Variants in UCHL3 observed in about 807,000 individuals in gnomAD.
UCHL3 encodes ubiquitin carboxyl-terminal hydrolase isozyme L3.
Under a neutral mutation model 35.8 loss-of-function variants are expected in UCHL3, and 22 were observed. That is an observed-to-expected ratio of 0.61 (90% CI 0.44 to 0.88). UCHL3 has a LOEUF of 0.88. UCHL3 is among the 40% of genes least tolerant of loss of function. The pLI is 0.00. For synonymous variants in UCHL3, 90 were observed against 92.8 expected (o/e 0.97, Z 0.17); for missense variants, 229 against 276.9 (o/e 0.83, Z 1.23).
intron 6 of UCHL3, among the ~76,000 whole-genome samples, chr13:75,581,268 C>T (rs575631439): frequency 6.6e-6 from 1 of 152,066 alleles, no homozygotes; most frequent in East Asian, 1.9e-4. Flanking sequence ...TAAACCAAAA[C>T]CCACTTACTT....
chr13:75,575,694 A>G (rs2031998869), intron 6 of UCHL3, among the ~76,000 whole-genome samples: 1 of 152,164 alleles, frequency 6.6e-6, no homozygotes, highest in South Asian at 2.1e-4. Context: ...TGGCTGCAGA[A>G]TCTAGTCCTA....
chr13:75,592,665 A>G (rs1409542438), intron 6 of UCHL3, among the ~76,000 whole-genome samples: 1 of 151,246 alleles, frequency 6.6e-6, no homozygotes, highest in Non-Finnish European at 1.5e-5. Flanking sequence ...ACTGAAGGAA[A>G]GGGCTTATCA....
chr13:75,563,611 CT>C (rs1299474542), intron 3 of UCHL3, among the ~76,000 whole-genome samples: 1 of 152,186 alleles, frequency 6.6e-6, no homozygotes, highest in Admixed American at 6.5e-5. Flanking sequence ...CACATAGTTA[CT>C]TTTTTTGTTA....
intron 3 of UCHL3, among the ~76,000 whole-genome samples, chr13:75,565,775 C>G (rs1043310709): frequency 6.6e-6 from 1 of 152,292 alleles, no homozygotes; most frequent in African/African-American, 2.4e-5. Context: ...AATCATCTTT[C>G]TCCTCCCCAC....
Position 75,567,330 on chromosome 13 carries a change from G to A in UCHL3, c.426+18G>A, listed in dbSNP as rs765229797. 55 of 1,612,288 alleles carry A rather than the reference G, an allele frequency of 3.4e-5. No individual in the cohort carries two copies. The highest frequency in any genetic ancestry group is 1.1e-4 in the South Asian group (10 of 90,942). ...ACTATGATGTCGGTACCTTCTTTCC[G>A]TTTTGATCTCATGTGGGCAAAAGTT... On this transcript the variant is annotated intron_variant, in intron 5 of 8. Transcript: ENST00000377595.
At chr13:75,559,937 G>A (rs928337702) in intron 2 of UCHL3, among the ~76,000 whole-genome samples, 5 of 152,024 alleles carry the variant, frequency 3.3e-5, no homozygotes, top group African/African-American at 1.2e-4. Flanking sequence ...GATAGATTAA[G>A]GTCTGACATT....
At chr13:75,568,490 C>T (rs1379997494) in intron 5 of UCHL3, among the ~76,000 whole-genome samples, 1 of 151,244 alleles carries the variant, frequency 6.6e-6, no homozygotes, top group African/African-American at 2.4e-5. Flanking sequence ...TATATATACA[C>T]AATTTTTTAA....
chr13:75,595,124 G>A (rs997593118), intron 7 of UCHL3, 134 bp downstream of exon 7: 2 of 671,912 alleles, frequency 3.0e-6, no homozygotes, highest in Admixed American at 3.1e-5. Flanking sequence ...ATTTGACATA[G>A]CGACAGTTTT....
intron 6 of UCHL3, among the ~76,000 whole-genome samples, chr13:75,591,825 A>C (rs1320599193): frequency 6.6e-6 from 1 of 152,114 alleles, no homozygotes; most frequent in Non-Finnish European, 1.5e-5. Context: ...TCTCTTATCC[A>C]AAATGCTTGG....
upstream of UCHL3, chr13:75,549,515 C>T (rs1312783245): frequency 8.1e-6 from 3 of 371,614 alleles, no homozygotes; most frequent in East Asian, 8.1e-5. Context: ...CGGCAAGGCT[C>T]GGCTCGGAAG....
At chr13:75,600,547 AG>A (rs1365481825) in intron 7 of UCHL3, among the ~76,000 whole-genome samples, 1 of 152,204 alleles carries the variant, frequency 6.6e-6, no homozygotes, top group East Asian at 1.9e-4. Context: ...ATGGAACAAC[AG>A]AGCCGGGATG....
intron 5 of UCHL3, 86 bp from the exon 6 acceptor site, chr13:75,569,374 A>T: frequency 1.0e-6 from 1 of 980,898 alleles, no homozygotes; most frequent in Non-Finnish European, 1.5e-6. Context: ...AGAAGACTTT[A>T]GGTGTTAAAA....
At chr13:75,572,241 T>C (rs2031886047) in intron 6 of UCHL3, among the ~76,000 whole-genome samples, 1 of 152,228 alleles carries the variant, frequency 6.6e-6, no homozygotes, top group Admixed American at 6.5e-5. Flanking sequence ...ATCTTCAGAA[T>C]GAAGCAGTTC....
At chr13:75,561,103 G>A (rs1356430930) in intron 3 of UCHL3, among the ~76,000 whole-genome samples, 2 of 152,012 alleles carry the variant, frequency 1.3e-5, no homozygotes, top group Non-Finnish European at 2.9e-5. Context: ...GCTGATGCTT[G>A]TGTTTTATTT....
At chr13:75,589,577 T>C (rs1340538063) in intron 6 of UCHL3, among the ~76,000 whole-genome samples, 1 of 152,242 alleles carries the variant, frequency 6.6e-6, no homozygotes, top group Non-Finnish European at 1.5e-5. Context: ...TTATTCTTTG[T>C]GCATTTTATA....
chr13:75,601,897 C>T (rs928609236), intron 7 of UCHL3, among the ~76,000 whole-genome samples: 1 of 152,052 alleles, frequency 6.6e-6, no homozygotes, highest in Non-Finnish European at 1.5e-5. Flanking sequence ...ATCACAAGGT[C>T]AGGAGATCGA....
At chr13:75,583,473 T>C (rs996702535) in intron 6 of UCHL3, among the ~76,000 whole-genome samples, 9 of 152,174 alleles carry the variant, frequency 5.9e-5, no homozygotes, top group Non-Finnish European at 7.4e-5. Context: ...GTCTTTAAAA[T>C]AGAAATAATT....
chr13:75,557,139 C>T (rs2031319672), intron 2 of UCHL3, among the ~76,000 whole-genome samples: 1 of 151,724 alleles, frequency 6.6e-6, no homozygotes, highest in Non-Finnish European at 1.5e-5. Flanking sequence ...TCCTTCAGCT[C>T]AGGAATTAGA....
intron 2 of UCHL3, among the ~76,000 whole-genome samples, chr13:75,553,177 A>G (rs905437104): frequency 7.3e-4 from 111 of 152,166 alleles, no homozygotes; most frequent in Non-Finnish European, 7.5e-4. Flanking sequence ...CCATTTTAGG[A>G]AAAAAATCTT....
Sources: gnomAD v4.1 joint callset for allele counts (sites outside exome capture counted in the v4.1 genomes callset) on GRCh38, gnomAD v4.1.1 for gene constraint, MANE v1.5 for transcripts, NCBI Gene and HGNC (gene_info 2026-07-23, HGNC 2026-07-21) for gene names.